The following CSMD1 variants were observed in gnomAD, a reference collection of about 807,000 sequenced individuals.
CSMD1 encodes CUB and sushi domain-containing protein 1.
CSMD1 carries 213 observed loss-of-function variants against 417.5 expected under a neutral mutation model. That is an observed-to-expected ratio of 0.51 (90% CI 0.46 to 0.57). CSMD1 has a LOEUF of 0.57. Among genes scored for constraint, CSMD1 ranks in the 20% least tolerant of loss-of-function variants. The pLI, the probability that CSMD1 is intolerant of heterozygous loss-of-function variation, is 0.00. For synonymous variants in CSMD1, 2,862 were observed against 1,736.8 expected (o/e 1.65, Z -16.11); for missense variants, 6,923 against 4,529.7 (o/e 1.53, Z -15.17).
chr8:3,295,552 T>A (rs1803902385), intron 25 of CSMD1, among the ~76,000 whole-genome samples: 1 of 152,230 alleles, frequency 6.6e-6, no homozygotes, highest in Non-Finnish European at 1.5e-5. Context: ...AGTTTGTTTC[T>A]ACATTTTAAT....
At chr8:3,235,264 A>G (rs1799083157) in intron 26 of CSMD1, among the ~76,000 whole-genome samples, 1 of 152,204 alleles carries the variant, frequency 6.6e-6, no homozygotes, top group Non-Finnish European at 1.5e-5. Context: ...TTTCATTATA[A>G]TTTTTAAAAC....
At chr8:3,957,374 T>C (rs1229654691) in intron 5 of CSMD1, among the ~76,000 whole-genome samples, 2 of 152,280 alleles carry the variant, frequency 1.3e-5, no homozygotes, top group East Asian at 3.9e-4. Flanking sequence ...AAGGCAGGTG[T>C]TAAGCATAAA....
At chr8:4,794,040 T>C (rs1037539355) in intron 1 of CSMD1, among the ~76,000 whole-genome samples, 1 of 152,194 alleles carries the variant, frequency 6.6e-6, no homozygotes, top group Non-Finnish European at 1.5e-5. Flanking sequence ...ATCTTAGTGC[T>C]CTTGAAATAA....
chr8:4,208,172 T>C (rs1000389274), intron 3 of CSMD1, among the ~76,000 whole-genome samples: 1 of 152,152 alleles, frequency 6.6e-6, no homozygotes, highest in Non-Finnish European at 1.5e-5. Flanking sequence ...GGCTAAGGTG[T>C]TAGAAATGAA....
chr8:3,231,767 A>C (rs570263929), intron 26 of CSMD1, among the ~76,000 whole-genome samples: 2 of 152,326 alleles, frequency 1.3e-5, no homozygotes, highest in East Asian at 3.9e-4. Context: ...ACCTGCTTCA[A>C]ATCCCATCAG....
chr8:3,127,859 A>G (rs777683012), intron 41 of CSMD1: 5 of 147,502 alleles, frequency 3.4e-5, no homozygotes, highest in Admixed American at 6.7e-5. Context: ...AAAGGAAGGA[A>G]AGGAGGGAGG....
At position 2,943,152 on chromosome 8, in the gene CSMD1, C is replaced by G. The variant is rs138592025; in HGVS notation, c.10403-548G>C. On this transcript the variant is annotated intron_variant, in intron 68 of 69. Coordinates refer to ENST00000635120, the MANE Select transcript of CSMD1 (RefSeq NM_033225.6). The stretch of plus-strand genomic sequence containing the variant: ...GAAATACTCAAAAATAATTATAGTT[C>G]AATGTCACAATGCAAGTTTCCATGA... 3.6e-3 allele frequency among the ~76,000 whole-genome samples: 554 copies of G among 152,006 alleles called. 3 individuals carry two copies. The highest frequency in any genetic ancestry group is 0.013 in the African/African-American group (526 of 41,456).
chr8:4,449,657 T>A (rs1799015022), intron 2 of CSMD1, among the ~76,000 whole-genome samples: 1 of 152,052 alleles, frequency 6.6e-6, no homozygotes, highest in Admixed American at 6.5e-5. Context: ...ATCATGAACA[T>A]AATCAGCCTG....
intron 5 of CSMD1, among the ~76,000 whole-genome samples, chr8:3,820,853 G>C (rs1352550770): frequency 1.3e-5 from 2 of 152,078 alleles, no homozygotes; most frequent in African/African-American, 4.8e-5. Flanking sequence ...CAAAGTGCTG[G>C]GATTATAGGT....
At chr8:4,166,427 C>G (rs769481184) in intron 3 of CSMD1, among the ~76,000 whole-genome samples, 4 of 152,106 alleles carry the variant, frequency 2.6e-5, no homozygotes, top group Non-Finnish European at 4.4e-5. Flanking sequence ...CAATAATAGC[C>G]ATAACATAGA....
chr8:4,496,755 T>C (rs1801999441), intron 2 of CSMD1, among the ~76,000 whole-genome samples: 1 of 152,170 alleles, frequency 6.6e-6, no homozygotes, highest in Non-Finnish European at 1.5e-5. Context: ...GGAACAAAGC[T>C]GGGAGTAATT....
At chr8:3,712,640 C>A (rs541765945) in intron 6 of CSMD1, among the ~76,000 whole-genome samples, 1 of 152,166 alleles carries the variant, frequency 6.6e-6, no homozygotes, top group Non-Finnish European at 1.5e-5. Flanking sequence ...CCTGCTAAGT[C>A]ACAATCTTCG....
chr8:3,789,087 T>C (rs1799593298), intron 5 of CSMD1, among the ~76,000 whole-genome samples: 2 of 152,126 alleles, frequency 1.3e-5, no homozygotes, highest in Non-Finnish European at 2.9e-5. Context: ...AGCACCAACA[T>C]GGGGGGATTA....
At chr8:3,290,961 T>G (rs550600722) in intron 25 of CSMD1, among the ~76,000 whole-genome samples, 1 of 152,194 alleles carries the variant, frequency 6.6e-6, no homozygotes, top group African/African-American at 2.4e-5. Context: ...GGCTGTGGGT[T>G]TGTCATAGAT....
In CSMD1 at chr8:4,637,494, G is replaced by T. The variant is rs528565092; in HGVS notation, c.150C>A (p.His50Gln). Residue 50 changes from histidine to glutamine, a missense_variant, in exon 2 of 70, where the codon CAC becomes CAA. Coordinates refer to ENST00000635120, the MANE Select transcript of CSMD1 (RefSeq NM_033225.6). ...TGCAGTTGGCATAGTTCGGATACCC[G>T]TGAGGAAACCCTGGGCTCTCAATAG... ...NGTIESPGFP[H>Q]GYPNYANCTW... is the part of the protein sequence containing the mutation. 6.2e-7 allele frequency: 1 copy of T among 1,613,764 alleles called. No individual in the cohort carries two copies.
At chr8:4,841,940 T>C (rs1800868270) in intron 1 of CSMD1, among the ~76,000 whole-genome samples, 1 of 74,308 alleles carries the variant, frequency 1.3e-5, no homozygotes, top group Admixed American at 1.3e-4. Context: ...AAAAAAAAAG[T>C]TCAGAACAAT....
intron 3 of CSMD1, among the ~76,000 whole-genome samples, chr8:4,112,541 G>A (rs1041348615): frequency 6.6e-6 from 1 of 152,180 alleles, no homozygotes; most frequent in African/African-American, 2.4e-5. Flanking sequence ...ACTGGACACA[G>A]CACGTCCTGC....
chr8:4,395,615 G>A (rs1028116714), intron 3 of CSMD1, among the ~76,000 whole-genome samples: 1 of 151,678 alleles, frequency 6.6e-6, no homozygotes, highest in Non-Finnish European at 1.5e-5. Flanking sequence ...TATTAATATT[G>A]CCCCCATTAT....
intron 2 of CSMD1, among the ~76,000 whole-genome samples, chr8:4,452,450 C>A (rs1277270690): frequency 2.0e-5 from 3 of 152,202 alleles, no homozygotes; most frequent in Non-Finnish European, 2.9e-5. Flanking sequence ...GGCATTAATC[C>A]TGTCAGGCAT....
Sources: gnomAD v4.1 joint callset for allele counts (sites outside exome capture counted in the v4.1 genomes callset) on GRCh38, gnomAD v4.1.1 for gene constraint, MANE v1.5 for transcripts, NCBI Gene and HGNC (gene_info 2026-07-23, HGNC 2026-07-21) for gene names.